Variants in RANBP17 observed in about 807,000 individuals in gnomAD.
RANBP17 encodes ran-binding protein 17.
In RANBP17, 158 loss-of-function variants were observed where a neutral mutation model predicts 141.2. The observed-to-expected ratio is 1.12, with a 90% CI of 0.98 to 1.28. The LOEUF (loss-of-function observed/expected upper bound fraction) is 1.28, where lower values mean the gene tolerates loss of function less well. Among genes scored for constraint, RANBP17 ranks in the 50% most tolerant of loss-of-function variants. The probability of loss-of-function intolerance (pLI) is 0.00; values close to 1 mark genes in which losing one functional copy is unlikely to be tolerated. For missense variants in RANBP17, 1,438 were observed against 1,290.7 expected, an observed-to-expected ratio of 1.11 and a Z score of -1.75; for synonymous variants, 430 against 450.0, an observed-to-expected ratio of 0.96 and a Z score of 0.56.
intron 25 of RANBP17, among the ~76,000 whole-genome samples, chr5:171,268,115 T>C (rs938008937): frequency 1.3e-5 from 2 of 152,176 alleles, no homozygotes; most frequent in Non-Finnish European, 2.9e-5. Context: ...TGAGAACTTA[T>C]TATGTGTCAG....
chr5:171,245,061 G>A (rs1426322096), intron 24 of RANBP17, among the ~76,000 whole-genome samples: 3 of 151,790 alleles, frequency 2.0e-5, no homozygotes, highest in African/African-American at 4.8e-5. Flanking sequence ...CCTGGGAGGC[G>A]GAGCTTGCAG....
chr5:171,070,989 A>C (rs1784598719), intron 14 of RANBP17, among the ~76,000 whole-genome samples: 1 of 152,112 alleles, frequency 6.6e-6, no homozygotes, highest in African/African-American at 2.4e-5. Flanking sequence ...CTGGTACATA[A>C]CTGTTCTGCA....
At chr5:171,226,297 C>T (rs1249748940) in intron 22 of RANBP17, among the ~76,000 whole-genome samples, 2 of 152,094 alleles carry the variant, frequency 1.3e-5, no homozygotes, top group East Asian at 3.9e-4. Context: ...TCTTTAGTGA[C>T]ATCTGTTGGT....
intron 14 of RANBP17, among the ~76,000 whole-genome samples, chr5:171,091,489 T>G (rs1786274197): frequency 6.6e-6 from 1 of 152,106 alleles, no homozygotes; most frequent in Admixed American, 6.5e-5. Context: ...GGCTTTTGAG[T>G]TAATGTTGAA....
At chr5:171,261,054 G>A (rs554356747) in intron 24 of RANBP17, among the ~76,000 whole-genome samples, 3 of 137,400 alleles carry the variant, frequency 2.2e-5, no homozygotes, top group African/African-American at 8.2e-5. Context: ...TTAGAACTTA[G>A]AGATTTTACA....
At chr5:171,166,499 G>GATACTGCAA (rs1561723240) in intron 14 of RANBP17, among the ~76,000 whole-genome samples, 1 of 151,446 alleles carries the variant, frequency 6.6e-6, no homozygotes, top group African/African-American at 2.4e-5. Flanking sequence ...CTGCAATATG[G>GATACTGCAA]TTTCTTCTTG....
rs1234166956 is a variant in RANBP17, at chr5:171,012,070, A to AT, written c.1710+43694dup. Among the ~76,000 whole-genome samples, 172 of 91,812 alleles carry AT rather than the reference A, an allele frequency of 1.9e-3. 1 individual carries two copies. The highest frequency in any genetic ancestry group is 3.4e-3 in the Non-Finnish European group (123 of 36,640). 60.2% of individuals were successfully genotyped at this position (91,812 alleles called of 152,430 possible). A position where few individuals can be genotyped will look rare whatever the true frequency, so the allele number is the denominator to read the frequency against. ...CAAATTATATTATTTGTTTAAACGA[A>AT]TATATTGTTTGTTTATTTGTTTAAA... On this transcript the variant is annotated intron_variant, in intron 14 of 27. Coordinates refer to ENST00000523189, the MANE Select transcript of RANBP17 (RefSeq NM_022897.5).
chr5:171,018,994 T>G (rs568860100), intron 14 of RANBP17, among the ~76,000 whole-genome samples: 3 of 152,352 alleles, frequency 2.0e-5, no homozygotes, highest in Admixed American at 1.3e-4. Flanking sequence ...CAAAGTTCTT[T>G]TCTGCATCTA....
At chr5:170,951,515 C>T (rs1207739506) in intron 12 of RANBP17, among the ~76,000 whole-genome samples, 6 of 152,008 alleles carry the variant, frequency 3.9e-5, no homozygotes, top group African/African-American at 1.4e-4. Flanking sequence ...TGTATGATTC[C>T]ATTTATATGA....
At position 171,116,183 on chromosome 5, in the gene RANBP17, T is replaced by C. The variant is rs114707170; in HGVS notation, c.1711-53947T>C. On this transcript the variant is annotated intron_variant, in intron 14 of 27. Coordinates refer to ENST00000523189, the MANE Select transcript of RANBP17 (RefSeq NM_022897.5). ...GTTAGAAAAGTATACAATGTATTGCTAATTTTTGGAAAATAAAAAATGTAT... is the reference window on the plus strand; with the variant it reads ...GTTAGAAAAGTATACAATGTATTGCCAATTTTTGGAAAATAAAAAATGTAT... Among the ~76,000 whole-genome samples the C allele has an allele frequency of 3.1e-3, 474 of 152,332 alleles. 3 individuals are homozygous for C. The highest frequency in any genetic ancestry group is 0.011 in the African/African-American group (449 of 41,570).
intron 14 of RANBP17, among the ~76,000 whole-genome samples, chr5:171,023,059 T>G (rs1227351741): frequency 6.6e-6 from 1 of 152,240 alleles, no homozygotes; most frequent in African/African-American, 2.4e-5. Context: ...GATGGGCCAC[T>G]ACACCACATT....
At chr5:170,913,212 A>C (rs1018740175) in intron 7 of RANBP17, among the ~76,000 whole-genome samples, 5 of 152,018 alleles carry the variant, frequency 3.3e-5, no homozygotes, top group Non-Finnish European at 5.9e-5. Context: ...ACAAGCAAAG[A>C]AAGTGGAAGA....
At chr5:171,177,798 T>C (rs931135833) in intron 16 of RANBP17, among the ~76,000 whole-genome samples, 1 of 152,190 alleles carries the variant, frequency 6.6e-6, no homozygotes, top group Non-Finnish European at 1.5e-5. Flanking sequence ...TAATATAGTT[T>C]AGTATTTGCT....
chr5:171,089,233 G>A (rs936304771), intron 14 of RANBP17, among the ~76,000 whole-genome samples: 2 of 113,360 alleles, frequency 1.8e-5, no homozygotes, highest in African/African-American at 2.8e-5. Context: ...AGGTGTCAGT[G>A]TGCCCCTGCT....
intron 18 of RANBP17, among the ~76,000 whole-genome samples, chr5:171,192,699 A>G (rs1264408637): frequency 3.3e-5 from 5 of 152,216 alleles, no homozygotes. Flanking sequence ...GCACTATTAG[A>G]AGAAGCATTG....
intron 24 of RANBP17, among the ~76,000 whole-genome samples, chr5:171,247,458 C>T (rs1765275634): frequency 6.6e-6 from 1 of 152,140 alleles, no homozygotes; most frequent in African/African-American, 2.4e-5. Context: ...GTTTGGACTA[C>T]AGGCAGGTTT....
At chr5:170,864,253 C>G (rs142191636) in intron 1 of RANBP17, among the ~76,000 whole-genome samples, 337 of 152,256 alleles carry the variant, frequency 2.2e-3, no homozygotes, top group African/African-American at 7.4e-3. Flanking sequence ...GGCAGCTAGG[C>G]AAAAATTATA....
rs1196221969 is a variant in RANBP17, at chr5:171,213,650, C to T, written c.2251C>T (p.Leu751Phe). Residue 751 changes from leucine to phenylalanine, a missense_variant, in exon 21 of 28, where the codon CTT (leucine) becomes TTT (phenylalanine). Physicochemically the swap from Leu to Phe is conservative, Grantham distance 22. Coordinates refer to ENST00000523189, the MANE Select transcript of RANBP17 (RefSeq NM_022897.5). ...TAAAAGGTACCCAACGTACCTTCCCCTTCTTCAGAATGCTGTTGAACGGTG... is the reference window on the plus strand; with the variant it reads ...TAAAAGGTACCCAACGTACCTTCCCTTTCTTCAGAATGCTGTTGAACGGTG... Reference protein sequence around the residue: ...FDWMYPTYLPLLQNAVERWYG... With the variant: ...FDWMYPTYLPFLQNAVERWYG... 2 of 1,613,476 alleles carry T rather than the reference C, an allele frequency of 1.2e-6. No homozygotes were observed. Among genetic ancestry groups the T allele is most frequent in the Non-Finnish European group, 1.7e-6 (2 of 1,179,560 alleles).
At chr5:171,031,964 T>C (rs988366606) in intron 14 of RANBP17, among the ~76,000 whole-genome samples, 1 of 152,116 alleles carries the variant, frequency 6.6e-6, no homozygotes, top group African/African-American at 2.4e-5. Context: ...CAAAGTCTTA[T>C]TTGGCTAGAA....
Sources: allele counts gnomAD v4.1 joint callset (sites outside exome capture counted in the v4.1 genomes callset), GRCh38; gene constraint gnomAD v4.1.1; transcripts MANE v1.5; gene names NCBI Gene and HGNC (gene_info 2026-07-23, HGNC 2026-07-21).